RNF14: variants seen among roughly 807,000 people sequenced by gnomAD.
RNF14 encodes ring finger protein 14.
Under a neutral mutation model 52.6 loss-of-function variants are expected in RNF14, and 26 were observed. That is an observed-to-expected ratio of 0.49 (90% CI 0.36 to 0.69). The LOEUF (loss-of-function observed/expected upper bound fraction) is 0.69, where lower values mean the gene tolerates loss of function less well. RNF14 is among the 30% of genes least tolerant of loss of function. The pLI is 0.00. For missense variants in RNF14, 404 were observed against 560.4 expected (o/e 0.72, Z 2.82); for synonymous variants, 194 against 202.0 (o/e 0.96, Z 0.34).
At position 141,983,380 on chromosome 5, in the gene RNF14, A is replaced by G; in HGVS notation, c.1064A>G (p.Glu355Gly). 6.2e-7 allele frequency: 1 copy of G among 1,608,086 alleles called. No individual in the cohort carries two copies. Among genetic ancestry groups the G allele is most frequent in the Non-Finnish European group, 8.5e-7 (1 of 1,178,150 alleles). Residue 355 changes from glutamate to glycine, a missense_variant and splice_region_variant, in exon 7 of 9, where the codon GAG becomes GGG. Glu to Gly is a moderately conservative substitution (Grantham distance 98). Coordinates refer to ENST00000394520, the MANE Select transcript of RNF14 (RefSeq NM_004290.5). The part of the protein sequence containing the change: ...HGVSPCKVTA[E>G]KLMDLRNEYL... ...GTTAATTTTCCATTTCACTTTGTAG[A>G]GAAATTAATGGACTTACGAAATGAA...
intron 6 of RNF14, among the ~76,000 whole-genome samples, chr5:141,981,861 AAAAG>A (rs1754815824): frequency 6.6e-6 from 1 of 151,900 alleles, no homozygotes; most frequent in African/African-American, 2.4e-5. Flanking sequence ...CAAAAAAAAA[AAAAG>A]AGGAAAAAGA....
upstream of RNF14, chr5:141,956,088 C>G (rs766988018): frequency 3.7e-6 from 6 of 1,614,188 alleles, no homozygotes; most frequent in Non-Finnish European, 5.1e-6. Flanking sequence ...TGGGCACCAG[C>G]AGGTGGCCTG....
Position 141,980,378 on chromosome 5 carries a change from C to T in RNF14, c.1063+27C>T, listed in dbSNP as rs930386692. The T allele has an allele frequency of 2.6e-6, 4 of 1,548,030 alleles. No individual in the cohort carries two copies. The Admixed American group carries it at 5.0e-5, about 19-fold the overall frequency. ...TATGTTTTAACTGTGAACCCAAACC[C>T]CCATCCCCAGTCTCTCCCTCACATT... On this transcript the variant is annotated intron_variant, in intron 6 of 8. Coordinates refer to ENST00000394520, the MANE Select transcript of RNF14 (RefSeq NM_004290.5).
chr5:141,973,455 CT>C (rs1278774846), intron 2 of RNF14, 127 bp from the exon 3 acceptor site: 1 of 603,320 alleles, frequency 1.7e-6, no homozygotes, highest in African/African-American at 1.9e-5. Flanking sequence ...CCAGGCTAGT[CT>C]TGAACTCCTG....
intron 1 of RNF14, among the ~76,000 whole-genome samples, chr5:141,970,139 TC>T (rs1753615493): frequency 1.3e-5 from 2 of 152,348 alleles, no homozygotes; most frequent in African/African-American, 4.8e-5. Flanking sequence ...GATAGGATTC[TC>T]CGTAGCCCAT....
At chr5:141,955,321 T>A (rs755776573), upstream of RNF14, 1 of 1,614,222 alleles carries the variant, frequency 6.2e-7, no homozygotes, top group Admixed American at 1.7e-5. The surrounding 1 kb of genome is among the most constrained non-coding windows in gnomAD (Gnocchi z 5.5). Flanking sequence ...GTTGACCGTG[T>A]CTTGCAGCAC....
At chr5:141,955,644 G>C, upstream of RNF14, 1 of 1,614,176 alleles carries the variant, frequency 6.2e-7, no homozygotes, top group South Asian at 1.1e-5. The surrounding 1 kb of genome is among the most constrained non-coding windows in gnomAD (Gnocchi z 5.5). Context: ...AGATGGACAT[G>C]AACAAAGCCA....
upstream of RNF14, among the ~76,000 whole-genome samples, chr5:141,962,021 T>C (rs1424600182): frequency 6.6e-6 from 1 of 152,056 alleles, no homozygotes; most frequent in Non-Finnish European, 1.5e-5. Context: ...TCCTCCGGCT[T>C]ATCCCAGGTA....
the RNF14 span, among the ~76,000 whole-genome samples, chr5:141,950,863 G>C: frequency 6.6e-6 from 1 of 152,320 alleles, no homozygotes; most frequent in African/African-American, 2.4e-5. Flanking sequence ...TATGGGCTTA[G>C]AATACAATTG....
chr5:141,966,195 C>T (rs1297589913), upstream of RNF14, among the ~76,000 whole-genome samples: 9 of 152,022 alleles, frequency 5.9e-5, no homozygotes, highest in East Asian at 3.9e-4. Flanking sequence ...GCACGAGAAT[C>T]GCTTGAACCC....
intron 1 of RNF14, among the ~76,000 whole-genome samples, chr5:141,959,932 G>C (rs1252685382): frequency 6.6e-6 from 1 of 152,186 alleles, no homozygotes; most frequent in Non-Finnish European, 1.5e-5. Flanking sequence ...ACAGGGCCTG[G>C]CTCAGAGAAA....
At chr5:141,975,895 A>C (rs886869291) in intron 4 of RNF14, among the ~76,000 whole-genome samples, 1 of 150,294 alleles carries the variant, frequency 6.7e-6, no homozygotes, top group African/African-American at 2.5e-5. Flanking sequence ...ACTGCACTCC[A>C]GCCTGGGTGA....
upstream of RNF14, among the ~76,000 whole-genome samples, chr5:141,963,663 C>T (rs1260817928): frequency 6.6e-6 from 1 of 152,124 alleles, no homozygotes; most frequent in Non-Finnish European, 1.5e-5. Context: ...TTAGCATGTT[C>T]CTCTCTATTT....
upstream of RNF14, among the ~76,000 whole-genome samples, chr5:141,962,798 T>TC (rs1386486875): frequency 6.6e-6 from 1 of 152,208 alleles, no homozygotes; most frequent in African/African-American, 2.4e-5. Context: ...CCACTTGAGT[T>TC]CTGGGTTGAT....
upstream of RNF14, chr5:141,955,089 G>C (rs964316740): frequency 6.2e-7 from 1 of 1,614,220 alleles, no homozygotes; most frequent in East Asian, 2.2e-5. This position sits in a 1 kb window ranked among gnomAD's most constrained non-coding sequence, Gnocchi z 5.5. Context: ...CTTTCTCAGG[G>C]GACACTTTGC....
At chr5:141,961,132 G>C (rs752003896) in intron 1 of RNF14, among the ~76,000 whole-genome samples, 22 of 152,062 alleles carry the variant, frequency 1.4e-4, no homozygotes, top group Non-Finnish European at 1.2e-4. Flanking sequence ...AATTTTACTT[G>C]TGTTAACATT....
At chr5:141,960,422 G>C (rs1753260148) in intron 1 of RNF14, among the ~76,000 whole-genome samples, 1 of 152,244 alleles carries the variant, frequency 6.6e-6, no homozygotes, top group South Asian at 2.1e-4. Context: ...GGCAAAGCTG[G>C]TGGCAGGGGC....
upstream of RNF14, chr5:141,954,906 G>A (rs979374348): frequency 6.5e-7 from 1 of 1,537,310 alleles, no homozygotes; most frequent in Non-Finnish European, 8.8e-7. Flanking sequence ...AGGTTATGGG[G>A]GTGTCTGATT....
intron 8 of RNF14, among the ~76,000 whole-genome samples, chr5:141,987,014 T>C (rs1407526507): frequency 6.6e-6 from 1 of 152,182 alleles, no homozygotes; most frequent in Non-Finnish European, 1.5e-5. Flanking sequence ...AACCACTCCA[T>C]GGTCAGTGGT....
Sources: allele counts gnomAD v4.1 joint callset (sites outside exome capture counted in the v4.1 genomes callset), GRCh38; gene constraint gnomAD v4.1.1; non-coding constraint Gnocchi (gnomAD v3.1); transcripts MANE v1.5; gene names NCBI Gene and HGNC (gene_info 2026-07-23, HGNC 2026-07-21).